The following GABRR2 variants were observed in gnomAD, a reference collection of about 807,000 sequenced individuals.
The protein encoded by GABRR2 is gamma-aminobutyric acid receptor subunit rho-2.
GABRR2 carries 36 observed loss-of-function variants against 47.0 expected under a neutral mutation model. That is an observed-to-expected ratio of 0.77 (90% CI 0.59 to 1.01). The LOEUF is 1.01. Ranked by LOEUF, GABRR2 falls within the 50% of genes least tolerant of loss-of-function variation. The probability of loss-of-function intolerance (pLI) is 0.00; values close to 1 mark genes in which losing one functional copy is unlikely to be tolerated. For synonymous variants in GABRR2, 204 were observed against 227.5 expected, an observed-to-expected ratio of 0.90 and a Z score of 0.93; for missense variants, 587 against 594.6, an observed-to-expected ratio of 0.99 and a Z score of 0.13.
chr6:89,293,283 G>A (rs1774501357), intron 2 of GABRR2, among the ~76,000 whole-genome samples: 1 of 152,122 alleles, frequency 6.6e-6, no homozygotes, highest in Admixed American at 6.6e-5. Flanking sequence ...TGGTTGCCAG[G>A]GGCTGAAGGG....
At chr6:89,314,712 G>A (rs755821681) in intron 1 of GABRR2, among the ~76,000 whole-genome samples, 2 of 152,110 alleles carry the variant, frequency 1.3e-5, no homozygotes, top group Non-Finnish European at 1.5e-5. Context: ...GCAGGTCATC[G>A]GTTGTAACCC....
chr6:89,264,323 G>T (rs1773825551), intron 8 of GABRR2, 89 bp downstream of exon 8: 2 of 1,406,508 alleles, frequency 1.4e-6, no homozygotes, highest in Non-Finnish European at 1.9e-6. Flanking sequence ...TTTTCTACAT[G>T]CAACCCCTGC....
At chr6:89,287,801 TAATA>T (rs1215189884) in intron 2 of GABRR2, among the ~76,000 whole-genome samples, 2 of 152,234 alleles carry the variant, frequency 1.3e-5, no homozygotes, top group East Asian at 3.9e-4. Context: ...AGAACATTCT[TAATA>T]AATAAAAATA....
chr6:89,302,213 G>A, intron 1 of GABRR2: 1 of 566,272 alleles, frequency 1.8e-6, no homozygotes. Flanking sequence ...CACAAGCTCG[G>A]GTATGGGCAC....
chr6:89,291,913 G>C (rs1173303182), intron 2 of GABRR2, among the ~76,000 whole-genome samples: 1 of 152,114 alleles, frequency 6.6e-6, no homozygotes, highest in Non-Finnish European at 1.5e-5. Flanking sequence ...ATCAGACCCA[G>C]CTGTGCACCC....
At chr6:89,304,682 GA>G (rs1387996927) in intron 1 of GABRR2, among the ~76,000 whole-genome samples, 1 of 151,698 alleles carries the variant, frequency 6.6e-6, no homozygotes. Flanking sequence ...AAAAACATAT[GA>G]AAAACAGTTC....
chr6:89,301,970 CCATTCGTCGACCTGGAGCCCGGGA>C, intron 1 of GABRR2: 1 of 830,388 alleles, frequency 1.2e-6, no homozygotes, highest in Non-Finnish European at 2.1e-6. Context: ...GTGCCTCGGG[CCATTCGTCGACCTGGAGCCCGGGA>C]CCATGGACAG....
intron 1 of GABRR2, among the ~76,000 whole-genome samples, chr6:89,304,223 A>G (rs1410847216): frequency 6.6e-6 from 1 of 152,254 alleles, no homozygotes; most frequent in Non-Finnish European, 1.5e-5. Context: ...TCTAATATCC[A>G]GCATCTATAA....
rs1385836904 is a variant in GABRR2, at chr6:89,255,071, A to G, written c.*2599T>C. The stretch of plus-strand genomic sequence containing the variant: ...TTAAATAAGACTTACAAGCAAAGCA[A>G]TATGATATATTTAATGACAATAGAA... On this transcript the variant is annotated 3_prime_UTR_variant, in exon 9 of 9. Transcript: ENST00000402938. Among the ~76,000 whole-genome samples, 2 of 152,254 alleles carry G rather than the reference A, an allele frequency of 1.3e-5. No homozygotes were observed. The highest frequency in any genetic ancestry group is 3.8e-4 in the East Asian group (2 of 5,208).
At chr6:89,302,846 C>T in intron 1 of GABRR2, 1 of 1,353,452 alleles carries the variant, frequency 7.4e-7, no homozygotes, top group Non-Finnish European at 1.0e-6. Flanking sequence ...CCCCCAGCCT[C>T]AAGATGTCTT....
intron 2 of GABRR2, among the ~76,000 whole-genome samples, chr6:89,292,726 C>CGTATCTCTGATAGATATATATG: frequency 7.4e-6 from 1 of 134,454 alleles, no homozygotes; most frequent in Non-Finnish European, 1.6e-5. Flanking sequence ...AGATATATAT[C>CGTATCTCTGATAGATATATATG]GTATATATCA....
chr6:89,299,904 T>C, intron 1 of GABRR2, 39 bp from the exon 2 acceptor site: 1 of 1,299,252 alleles, frequency 7.7e-7, no homozygotes, highest in Non-Finnish European at 1.1e-6. Context: ...CATCGGCTCT[T>C]CAATGCATTG....
At chr6:89,261,350 T>G (rs900072001) in intron 8 of GABRR2, among the ~76,000 whole-genome samples, 4 of 152,148 alleles carry the variant, frequency 2.6e-5, no homozygotes, top group African/African-American at 7.2e-5. Context: ...AGCAACCTAG[T>G]ATAATATATT....
intron 2 of GABRR2, among the ~76,000 whole-genome samples, chr6:89,286,766 C>A (rs1324826454): frequency 6.6e-6 from 1 of 151,942 alleles, no homozygotes; most frequent in Admixed American, 6.6e-5. Context: ...GGACACAGGG[C>A]AGGGAGGGAA....
At chr6:89,308,980 T>A (rs1020528153) in intron 1 of GABRR2, among the ~76,000 whole-genome samples, 10 of 151,716 alleles carry the variant, frequency 6.6e-5, no homozygotes, top group African/African-American at 2.4e-4. Flanking sequence ...CAAAGTAGGG[T>A]AAGGAATAGA....
intron 2 of GABRR2, among the ~76,000 whole-genome samples, chr6:89,298,643 A>T (rs1231489249): frequency 6.6e-6 from 1 of 152,160 alleles, no homozygotes; most frequent in Non-Finnish European, 1.5e-5. Context: ...CCAAGAGGAG[A>T]GGAAAGTTGG....
Position 89,310,905 on chromosome 6 carries a change from A to G in GABRR2, c.113+4148T>C, listed in dbSNP as rs558206579. ...TAGGCAGATGGAAGAGGAAGCTATG[A>G]TAAGATTCGCTTTTAGACAAGCCTA... On this transcript the variant is annotated intron_variant, in intron 1 of 8. Transcript: ENST00000402938. 7.5e-4 allele frequency among the ~76,000 whole-genome samples: 114 copies of G among 152,326 alleles called. No homozygotes were observed. The Middle Eastern group carries it at 0.014, about 18-fold the overall frequency.
rs996476881 is a variant in GABRR2, at chr6:89,267,720, T to C, written c.695A>G (p.Lys232Arg). 3 of 1,613,822 alleles carry C rather than the reference T, an allele frequency of 1.9e-6. No homozygotes were observed. In the African/African-American group the frequency reaches 4.0e-5, roughly 22 times the overall value. Reference sequence around the variant, plus strand: ...GGCCAGCCTGGAAGTTGTGTGAAATTTCTGAATCAGAAACTGAGACAAGGA... The same window carrying C: ...GGCCAGCCTGGAAGTTGTGTGAAATCTCTGAATCAGAAACTGAGACAAGGA... ...KISLSQFLIQ[K>R]FHTTSRLAFY... Residue 232 changes from lysine (K) to arginine (R), a missense_variant, in exon 6 of 9, where the codon AAA (lysine) becomes AGA (arginine). Lys to Arg is a conservative substitution (Grantham distance 26). Transcript: ENST00000402938.
At chr6:89,260,722 G>A (rs753175899) in intron 8 of GABRR2, among the ~76,000 whole-genome samples, 1 of 152,158 alleles carries the variant, frequency 6.6e-6, no homozygotes, top group East Asian at 1.9e-4. Context: ...AGTAGACCTA[G>A]GGTGTGGTCT....
Sources: allele counts gnomAD v4.1 joint callset (sites outside exome capture counted in the v4.1 genomes callset), GRCh38; gene constraint gnomAD v4.1.1; transcripts MANE v1.5; gene names NCBI Gene and HGNC (gene_info 2026-07-23, HGNC 2026-07-21).